Variants in URB2 observed in about 807,000 individuals in gnomAD.
URB2 encodes URB2 ribosome biogenesis homolog.
Under a neutral mutation model 120.9 loss-of-function variants are expected in URB2, and 86 were observed. The observed-to-expected ratio is 0.71, with a 90% CI of 0.60 to 0.85. The LOEUF is 0.85. Among genes scored for constraint, URB2 ranks in the 40% least tolerant of loss-of-function variants. The pLI, the probability that URB2 is intolerant of heterozygous loss-of-function variation, is 0.00. For synonymous variants in URB2, 755 were observed against 758.4 expected, an observed-to-expected ratio of 1.00 and a Z score of 0.07; for missense variants, 1,765 against 1,836.5, an observed-to-expected ratio of 0.96 and a Z score of 0.71.
Position 229,655,809 on chromosome 1 carries a change from A to G in URB2, c.4377+1421A>G, listed in dbSNP as rs868145631. 3.5e-4 allele frequency among the ~76,000 whole-genome samples: 54 copies of G among 152,356 alleles called. No homozygotes were observed. The Middle Eastern group carries it at 0.01, about 29-fold the overall frequency. On this transcript the variant is annotated intron_variant, in intron 9 of 9. Coordinates refer to ENST00000258243, the MANE Select transcript of URB2 (RefSeq NM_014777.4). ...TTGTAAGAACAATAGTAAAATCACA[A>G]GTAAGCTTGTTAGGGTAGAGGTGTC...
rs377351410 is a variant in URB2, at chr1:229,635,122, T to C, written c.509T>C (p.Phe170Ser). The change falls in exon 4 of 10, where the codon TTT (phenylalanine) becomes TCT (serine). Residue 170 changes from phenylalanine (F) to serine (S), a missense_variant. Physicochemically the swap from Phe to Ser is radical, Grantham distance 155. Coordinates refer to ENST00000258243, the MANE Select transcript of URB2 (RefSeq NM_014777.4). Reference protein sequence around the residue: ...QPEGAVVAQLFEVIHLALGHY... With the variant: ...QPEGAVVAQLSEVIHLALGHY... The stretch of plus-strand genomic sequence containing the variant: ...GAAGGAGCTGTGGTAGCCCAGTTGT[T>C]TGAGGTCATTCACCTGGCCCTTGGC... The C allele has an allele frequency of 1.9e-4, 313 of 1,614,106 alleles. No individual in the cohort carries two copies. The South Asian group carries it at 3.3e-3, about 17-fold the overall frequency.
chr1:229,637,134 C>CT lies in URB2; in HGVS notation c.2526dup (p.Glu843Ter). 6.2e-7 allele frequency: 1 copy of CT among 1,613,058 alleles called. No individual in the cohort carries two copies. The highest frequency in any genetic ancestry group is 8.5e-7 in the Non-Finnish European group (1 of 1,179,362). Reference sequence around the variant, plus strand: ...TCTTGTCAGTCAGCAGCTTCCCTGGCTTTTTGAAAAGGACCACATGGTTGT... The same window carrying CT: ...TCTTGTCAGTCAGCAGCTTCCCTGGCTTTTTTGAAAAGGACCACATGGTTGT... On this transcript the variant is annotated frameshift_variant, in exon 4 of 10. Transcript: ENST00000258243. LOFTEE classifies it high-confidence loss of function.
intron 8 of URB2, among the ~76,000 whole-genome samples, chr1:229,653,347 T>C (rs961018371): frequency 6.6e-6 from 1 of 152,158 alleles, no homozygotes; most frequent in African/African-American, 2.4e-5. Flanking sequence ...AGTATAAAAT[T>C]TAATGGGTTT....
chr1:229,629,301 C>T (rs1321337572), intron 2 of URB2, among the ~76,000 whole-genome samples: 1 of 152,178 alleles, frequency 6.6e-6, no homozygotes, highest in African/African-American at 2.4e-5. Flanking sequence ...AGCCAGGACA[C>T]AAATCCCAGA....
At chr1:229,634,022 G>C (rs773723330) in intron 3 of URB2, among the ~76,000 whole-genome samples, 2 of 151,882 alleles carry the variant, frequency 1.3e-5, no homozygotes, top group Non-Finnish European at 2.9e-5. Context: ...AGTAGAGATG[G>C]TGTTTCACCA....
At position 229,636,654 on chromosome 1, in the gene URB2, A is replaced by T. The variant is rs1665837502; in HGVS notation, c.2041A>T (p.Lys681Ter). 1 of 1,614,256 alleles carries T rather than the reference A, an allele frequency of 6.2e-7. No individual in the cohort carries two copies. Among genetic ancestry groups the T allele is most frequent in the Admixed American group, 1.7e-5 (1 of 60,038 alleles). ...TTGCTTAGAACAGCTGTACCTGCAGAAAATGAAAAGGACTTTAATGCAAAC... is the reference window on the plus strand; with the variant it reads ...TTGCTTAGAACAGCTGTACCTGCAGTAAATGAAAAGGACTTTAATGCAAAC... ...TYCLEQLYLQ[K>*]MKRTLMQTSF... The change falls in exon 4 of 10, where the codon AAA (lysine) becomes TAA (stop). Residue 681 changes from lysine (K) to a stop codon, truncating the protein, a stop_gained. Transcript: ENST00000258243. LOFTEE classifies it high-confidence loss of function.
chr1:229,657,238 C>T (rs1666426869), intron 9 of URB2, among the ~76,000 whole-genome samples: 1 of 152,188 alleles, frequency 6.6e-6, no homozygotes, highest in African/African-American at 2.4e-5. Context: ...TAGAAATTGA[C>T]TCTTTTCTTG....
chr1:229,639,911 T>G (rs763910889), intron 4 of URB2, among the ~76,000 whole-genome samples: 1 of 152,160 alleles, frequency 6.6e-6, no homozygotes, highest in Admixed American at 6.5e-5. Context: ...GTTAATGGGT[T>G]ACTATGCAGC....
chr1:229,636,051 C>G lies in URB2; in HGVS notation c.1438C>G (p.Pro480Ala), dbSNP rs150462724. 12 of 1,614,162 alleles carry G rather than the reference C, an allele frequency of 7.4e-6. No homozygotes were observed. The highest frequency in any genetic ancestry group is 9.3e-6 in the Non-Finnish European group (11 of 1,180,000). Reference sequence around the variant, plus strand: ...AGAGGTTTTGGGGGTGATCTGTCGTCCAGCTGCTGAGGCACTGAGGCAGCC... The same window carrying G: ...AGAGGTTTTGGGGGTGATCTGTCGTGCAGCTGCTGAGGCACTGAGGCAGCC... The part of the protein sequence containing the change: ...FEEVLGVICR[P>A]AAEALRQPVL... Residue 480 changes from proline to alanine, a missense_variant, in exon 4 of 10, where the codon CCA becomes GCA. By Grantham distance (27) the Pro-to-Ala change is conservative (BLOSUM62 -1). Transcript: ENST00000258243.
chr1:229,647,708 A>G lies in URB2; in HGVS notation c.4105A>G (p.Arg1369Gly), dbSNP rs573834291. ...KPLEYGSVFP[R>G]LHNVLFSILQ... Reference sequence around the variant, plus strand: ...GCTGGAGTATGGAAGCGTCTTCCCGAGGCTGCACAACGTGCTCTTCTCAAT... The same window carrying G: ...GCTGGAGTATGGAAGCGTCTTCCCGGGGCTGCACAACGTGCTCTTCTCAAT... Residue 1369 changes from arginine to glycine, a missense_variant, in exon 7 of 10, where the codon AGG becomes GGG. By Grantham distance (125) the Arg-to-Gly change is moderately radical. Transcript: ENST00000258243. The G allele has an allele frequency of 8.7e-6, 14 of 1,614,096 alleles. No individual in the cohort carries two copies. The East Asian group carries it at 2.9e-4, about 33-fold the overall frequency.
At position 229,636,828 on chromosome 1, in the gene URB2, C is replaced by T; in HGVS notation, c.2215C>T (p.His739Tyr). 1 of 1,611,948 alleles carries T rather than the reference C, an allele frequency of 6.2e-7. No individual in the cohort carries two copies. The highest frequency in any genetic ancestry group is 8.5e-7 in the Non-Finnish European group (1 of 1,178,274). The stretch of plus-strand genomic sequence containing the variant: ...GAGTGGACTCACATACCCTGTAGCA[C>T]ACTGGCACTTGATTGTGTCAAATCT... ...MVSGLTYPVAHWHLIVSNLTI... is the reference protein window; with the variant it reads ...MVSGLTYPVAYWHLIVSNLTI... The change falls in exon 4 of 10, where the codon CAC (histidine) becomes TAC (tyrosine). Residue 739 changes from histidine to tyrosine, a missense_variant. Transcript: ENST00000258243.
chr1:229,650,329 G>A, intron 7 of URB2, among the ~76,000 whole-genome samples: 1 of 152,194 alleles, frequency 6.6e-6, no homozygotes, highest in South Asian at 2.1e-4. Flanking sequence ...TTAAATGTAA[G>A]TAGTCACATG....
chr1:229,649,393 C>T (rs945039364), intron 7 of URB2, among the ~76,000 whole-genome samples: 13 of 152,120 alleles, frequency 8.5e-5, no homozygotes, highest in Admixed American at 3.3e-4. Context: ...ATGCAATGCA[C>T]ATAAATTACA....
intron 9 of URB2, among the ~76,000 whole-genome samples, chr1:229,655,724 G>C (rs1280464159): frequency 1.3e-5 from 2 of 152,178 alleles, no homozygotes; most frequent in African/African-American, 4.8e-5. Flanking sequence ...TGTATGTATA[G>C]ATATACATTT....
At chr1:229,631,744 A>G (rs1239391500) in intron 2 of URB2, among the ~76,000 whole-genome samples, 1 of 152,234 alleles carries the variant, frequency 6.6e-6, no homozygotes, top group Non-Finnish European at 1.5e-5. Flanking sequence ...ATGGTGCCCC[A>G]AAACAATTAG....
At chr1:229,632,582 G>T in intron 3 of URB2, 137 bp downstream of exon 3, 1 of 686,534 alleles carries the variant, frequency 1.5e-6, no homozygotes, top group Non-Finnish European at 2.1e-6. Context: ...TAATATTATT[G>T]GAATTAAAAT....
chr1:229,643,413 A>G, intron 4 of URB2, 120 bp from the exon 5 acceptor site: 1 of 1,145,978 alleles, frequency 8.7e-7, no homozygotes, highest in Non-Finnish European at 1.3e-6. Context: ...TTATATCACC[A>G]TGCCCCTAAC....
intron 3 of URB2, 37 bp from the exon 4 acceptor site, chr1:229,634,880 G>T: frequency 6.7e-7 from 1 of 1,500,368 alleles, no homozygotes; most frequent in South Asian, 1.4e-5. Context: ...ATGGGTTTAA[G>T]GTCAGTAATG....
At chr1:229,629,561 TA>T (rs1665611299) in intron 2 of URB2, among the ~76,000 whole-genome samples, 1 of 152,170 alleles carries the variant, frequency 6.6e-6, no homozygotes, top group Non-Finnish European at 1.5e-5. Context: ...GCATTATGCC[TA>T]AAAAAAGTAC....
Sources: allele counts gnomAD v4.1 joint callset (sites outside exome capture counted in the v4.1 genomes callset), GRCh38; gene constraint gnomAD v4.1.1; transcripts MANE v1.5; gene names NCBI Gene and HGNC (gene_info 2026-07-23, HGNC 2026-07-21).